Variants in PIEZO2 observed in about 807,000 individuals in gnomAD.
PIEZO2 encodes piezo type mechanosensitive ion channel component 2.
In PIEZO2, 172 loss-of-function variants were observed where a neutral mutation model predicts 337.3. That is an observed-to-expected ratio of 0.51 (90% CI 0.45 to 0.58). The LOEUF is 0.58. Ranked by LOEUF, PIEZO2 falls within the 20% of genes least tolerant of loss-of-function variation. The pLI, the probability that PIEZO2 is intolerant of heterozygous loss-of-function variation, is 0.00. For missense variants in PIEZO2, 3,028 were observed against 3,391.3 expected (o/e 0.89, Z 2.66); for synonymous variants, 1,251 against 1,228.5 (o/e 1.02, Z -0.38).
At chr18:10,701,833 TC>T (rs2035348268) in intron 43 of PIEZO2, 155 bp downstream of exon 43, 1 of 521,322 alleles carries the variant, frequency 1.9e-6, no homozygotes, top group Middle Eastern at 5.1e-4. Flanking sequence ...CTTTTCTCTC[TC>T]TTTTTTTTTT....
chr18:10,741,080 G>A lies in PIEZO2; in HGVS notation c.4659C>T (p.Ala1553=). The change falls in exon 33 of 56, where the codon GCC becomes GCT. Residue 1553 remains alanine (A), a synonymous_variant. Transcript: ENST00000674853. ...DDEREADKQK[A]KGKKKQWWRP... ...GCCACCACTGCTTTTTTTTGCCCTTGGCTTTCTGTTTGTCTGCTTCTCCTA... is the reference window on the plus strand; with the variant it reads ...GCCACCACTGCTTTTTTTTGCCCTTAGCTTTCTGTTTGTCTGCTTCTCCTA... The A allele has an allele frequency of 2.0e-6, 3 of 1,536,562 alleles. No individual in the cohort carries two copies. Among genetic ancestry groups the A allele is most frequent in the Non-Finnish European group, 2.6e-6 (3 of 1,146,622 alleles).
Position 10,861,128 on chromosome 18 carries a change from A to C in PIEZO2, c.493-3917T>G, listed in dbSNP as rs1015917024. On this transcript the variant is annotated intron_variant, in intron 5 of 55. Coordinates refer to ENST00000674853, the MANE Select transcript of PIEZO2 (RefSeq NM_001378183.1). The surrounding 1 kb of genome is among the most constrained non-coding windows in gnomAD (Gnocchi z 4.3). ...TGTATAAACACTGAACCTCTGAAAGAGCATGGACTCACTCTCGCATGTTTA... is the reference window on the plus strand; with the variant it reads ...TGTATAAACACTGAACCTCTGAAAGCGCATGGACTCACTCTCGCATGTTTA... 6.6e-6 allele frequency among the ~76,000 whole-genome samples: 1 copy of C among 152,168 alleles called. No individual in the cohort carries two copies. Among genetic ancestry groups the C allele is most frequent in the Non-Finnish European group, 1.5e-5 (1 of 68,038 alleles).
rs1467091903 is a variant in PIEZO2, at chr18:10,781,237, G to A, written c.2493-871C>T. On this transcript the variant is annotated intron_variant, in intron 17 of 55. Transcript: ENST00000674853. The surrounding 1 kb of genome is among the most constrained non-coding windows in gnomAD (Gnocchi z 4.1). ...TGTAATCCCAGCACTTTGGGAAGTC[G>A]AGGCAGGTGGATCATGAGGTCAAGA... Among the ~76,000 whole-genome samples, 1 of 152,036 alleles carries A rather than the reference G, an allele frequency of 6.6e-6. No homozygotes were observed. The highest frequency in any genetic ancestry group is 1.5e-5 in the Non-Finnish European group (1 of 68,006).
intron 7 of PIEZO2, among the ~76,000 whole-genome samples, chr18:10,817,144 G>C (rs546963780): frequency 1.3e-5 from 2 of 152,142 alleles, no homozygotes; most frequent in African/African-American, 4.8e-5. Flanking sequence ...AAGTCAGTTG[G>C]AAAGTTCTTT....
Position 11,129,789 on chromosome 18 carries a change from A to G in PIEZO2, c.64+18736T>C, listed in dbSNP as rs1413567442. 6.6e-6 allele frequency among the ~76,000 whole-genome samples: 1 copy of G among 152,178 alleles called. No individual in the cohort carries two copies. The highest frequency in any genetic ancestry group is 1.5e-5 in the Non-Finnish European group (1 of 68,032). Reference sequence around the variant, plus strand: ...GGCTCTGGCTCTGAGCTGACGTTGGATCCAGGGGACCCAAAATGTCATCGT... The same window carrying G: ...GGCTCTGGCTCTGAGCTGACGTTGGGTCCAGGGGACCCAAAATGTCATCGT... On this transcript the variant is annotated intron_variant, in intron 1 of 55. Coordinates refer to ENST00000674853, the MANE Select transcript of PIEZO2 (RefSeq NM_001378183.1). This position sits in a 1 kb window ranked among gnomAD's most constrained non-coding sequence, Gnocchi z 4.6.
rs929426029 is a variant in PIEZO2 at position 10,861,004 on chromosome 18, C to T, written c.493-3793G>A. Among the ~76,000 whole-genome samples, 4 of 152,192 alleles carry T rather than the reference C, an allele frequency of 2.6e-5. No homozygotes were observed. The highest frequency in any genetic ancestry group is 1.3e-4 in the Admixed American group (2 of 15,280). ...CGAGACGGGTTAGACTCTGTGAGCCCCTACTGTCCTGGTAGGTCAGGGCCA... is the reference window on the plus strand; with the variant it reads ...CGAGACGGGTTAGACTCTGTGAGCCTCTACTGTCCTGGTAGGTCAGGGCCA... On this transcript the variant is annotated intron_variant, in intron 5 of 55. Transcript: ENST00000674853. The surrounding 1 kb of genome is among the most constrained non-coding windows in gnomAD (Gnocchi z 4.3).
At chr18:11,123,874 T>C (rs892497365) in intron 1 of PIEZO2, among the ~76,000 whole-genome samples, 2 of 152,080 alleles carry the variant, frequency 1.3e-5, no homozygotes, top group African/African-American at 2.4e-5. Context: ...GCAGTCTTTA[T>C]TATAAAGATA....
chr18:11,107,106 G>A (rs979284375), intron 1 of PIEZO2, among the ~76,000 whole-genome samples: 6 of 152,188 alleles, frequency 3.9e-5, no homozygotes, highest in Admixed American at 1.3e-4. Flanking sequence ...GCAAGGGGAA[G>A]GGGAGGTAGA....
At chr18:11,065,082 G>A (rs1301369559) in intron 2 of PIEZO2, among the ~76,000 whole-genome samples, 1 of 152,156 alleles carries the variant, frequency 6.6e-6, no homozygotes, top group Non-Finnish European at 1.5e-5. Flanking sequence ...TTAGAGACAG[G>A]AAAATCAACA....
intron 4 of PIEZO2, among the ~76,000 whole-genome samples, chr18:10,902,364 T>C (rs1052240941): frequency 6.6e-6 from 1 of 152,176 alleles, no homozygotes; most frequent in Non-Finnish European, 1.5e-5. Context: ...ACAGAGGGCA[T>C]GAAGGAACAT....
intron 18 of PIEZO2, 49 bp downstream of exon 18, chr18:10,780,276 A>T (rs1311854759): frequency 8.5e-6 from 6 of 702,742 alleles, no homozygotes; most frequent in Non-Finnish European, 1.0e-5. Flanking sequence ...TTAACACAGC[A>T]AGAAATAGCT....
At chr18:10,778,554 G>C (rs571237274) in intron 18 of PIEZO2, among the ~76,000 whole-genome samples, 32 of 152,054 alleles carry the variant, frequency 2.1e-4, no homozygotes, top group African/African-American at 7.2e-4. Context: ...GGATGGTCTC[G>C]ATCTCCTGAC....
chr18:10,901,400 A>G (rs1374918173), intron 4 of PIEZO2, among the ~76,000 whole-genome samples: 1 of 149,492 alleles, frequency 6.7e-6, no homozygotes, highest in Non-Finnish European at 1.5e-5. Context: ...AGGGAAGGTA[A>G]ATCACCTACT....
At chr18:11,053,675 CA>C (rs1439177185) in intron 2 of PIEZO2, among the ~76,000 whole-genome samples, 1 of 152,152 alleles carries the variant, frequency 6.6e-6, no homozygotes, top group Non-Finnish European at 1.5e-5. Context: ...CCATATTGAC[CA>C]GTATGTGGCA....
At chr18:10,995,989 T>C (rs1162176013) in intron 2 of PIEZO2, among the ~76,000 whole-genome samples, 1 of 152,156 alleles carries the variant, frequency 6.6e-6, no homozygotes, top group Non-Finnish European at 1.5e-5. Flanking sequence ...AACTAAAATA[T>C]CTTGTGTATT....
intron 4 of PIEZO2, among the ~76,000 whole-genome samples, chr18:10,883,344 CT>C (rs2042478185): frequency 1.3e-5 from 2 of 152,126 alleles, no homozygotes; most frequent in African/African-American, 2.4e-5. Flanking sequence ...GAAGTCCATA[CT>C]GTTCTCCATA....
intron 9 of PIEZO2, among the ~76,000 whole-genome samples, chr18:10,802,903 C>T (rs2039874151): frequency 6.8e-6 from 1 of 147,684 alleles, no homozygotes; most frequent in Non-Finnish European, 1.5e-5. Flanking sequence ...ACCCAGGAGG[C>T]AGAGGTTGCA....
intron 18 of PIEZO2, among the ~76,000 whole-genome samples, chr18:10,776,008 T>G (rs1245653474): frequency 6.6e-6 from 1 of 152,244 alleles, no homozygotes; most frequent in African/African-American, 2.4e-5. Context: ...AATTGTACCT[T>G]GTATTGTAAA....
intron 7 of PIEZO2, among the ~76,000 whole-genome samples, chr18:10,826,137 C>G (rs1052390807): frequency 3.3e-5 from 5 of 152,148 alleles, no homozygotes; most frequent in African/African-American, 1.2e-4. Flanking sequence ...TCCAAGGAGC[C>G]CTGGTTCCTT....
Sources: gnomAD v4.1 joint callset for allele counts (sites outside exome capture counted in the v4.1 genomes callset) on GRCh38, gnomAD v4.1.1 for gene constraint, Gnocchi (gnomAD v3.1) non-coding constraint, MANE v1.5 for transcripts, NCBI Gene and HGNC (gene_info 2026-07-23, HGNC 2026-07-21) for gene names.